NCK2: variants seen among roughly 807,000 people sequenced by gnomAD.
NCK2 encodes cytoplasmic protein NCK2.
Under a neutral mutation model 33.9 loss-of-function variants are expected in NCK2, and 16 were observed. The ratio of observed to expected loss-of-function variants is 0.47; its 90% CI spans 0.32 to 0.72. The LOEUF (loss-of-function observed/expected upper bound fraction) is 0.72. NCK2 is among the 30% of genes least tolerant of loss of function. The probability of loss-of-function intolerance (pLI) is 0.03; values close to 1 mark genes in which losing one functional copy is unlikely to be tolerated. For missense variants in NCK2, 418 were observed against 537.3 expected, an observed-to-expected ratio of 0.78 and a Z score of 2.19; for synonymous variants, 273 against 239.9, an observed-to-expected ratio of 1.14 and a Z score of -1.27.
At chr2:105,878,659 A>G (rs1461472839) in intron 3 of NCK2, among the ~76,000 whole-genome samples, 2 of 152,200 alleles carry the variant, frequency 1.3e-5, no homozygotes, top group Non-Finnish European at 2.9e-5. Context: ...CCCTGAGCAG[A>G]CTAGTATGTT....
intron 1 of NCK2, among the ~76,000 whole-genome samples, chr2:105,797,722 C>A (rs533117930): frequency 1.3e-5 from 2 of 152,180 alleles, no homozygotes; most frequent in Non-Finnish European, 2.9e-5. Context: ...CAAAGTCTTT[C>A]GTAACCATGA....
rs1293045110 is a variant in NCK2 at position 105,854,887 on chromosome 2, T to C, written c.-16-161T>C. ...TTTCTAAACCAAATACTAAAGCTTG[T>C]TGAAAGAAGGTCATTTTAAAGTTGA... On this transcript the variant is annotated intron_variant, in intron 2 of 4. Transcript: ENST00000233154. 2.9e-5 allele frequency: 17 copies of C among 583,492 alleles called. No homozygotes were observed. In the East Asian group the frequency reaches 4.5e-4, roughly 16 times the overall value. The allele number at this position is 583,492 out of a possible 1,614,324, so 36.1% of individuals were successfully genotyped here. A position where few individuals can be genotyped will look rare whatever the true frequency, so the allele number is the denominator to read the frequency against.
chr2:105,838,261 G>A (rs1391251283), intron 2 of NCK2, among the ~76,000 whole-genome samples: 1 of 151,052 alleles, frequency 6.6e-6, no homozygotes, highest in Non-Finnish European at 1.5e-5. Flanking sequence ...AAATTTTGGA[G>A]TTGATAAAGA....
chr2:105,813,587 T>C (rs1249962533), intron 1 of NCK2, among the ~76,000 whole-genome samples: 3 of 152,102 alleles, frequency 2.0e-5, no homozygotes, highest in Non-Finnish European at 2.9e-5. Flanking sequence ...CACACAGGCA[T>C]TGGGGATGCA....
At chr2:105,793,714 G>A (rs1690973542) in intron 1 of NCK2, among the ~76,000 whole-genome samples, 1 of 152,212 alleles carries the variant, frequency 6.6e-6, no homozygotes, top group African/African-American at 2.4e-5. Context: ...GGCTGCCCCA[G>A]CCTTGGCCAG....
rs184325956 is a variant in NCK2 at position 105,839,080 on chromosome 2, G to A, written c.-16-15968G>A. ...TGAGAGAGGCAGGGAGAGCAAGGGAGGGGACATTTGAATGGCGGCTTGAAC... is the reference window on the plus strand; with the variant it reads ...TGAGAGAGGCAGGGAGAGCAAGGGAAGGGACATTTGAATGGCGGCTTGAAC... On this transcript the variant is annotated intron_variant, in intron 2 of 4. Transcript: ENST00000233154. Among the ~76,000 whole-genome samples the A allele has an allele frequency of 1.3e-4, 20 of 152,256 alleles. No individual in the cohort carries two copies. In the East Asian group the frequency reaches 3.7e-3, roughly 28 times the overall value.
At chr2:105,765,809 GTGTGTGTC>G (rs1444284582) in intron 1 of NCK2, among the ~76,000 whole-genome samples, 2 of 151,600 alleles carry the variant, frequency 1.3e-5, no homozygotes, top group East Asian at 2.0e-4. Flanking sequence ...GTGTGTGTGT[GTGTGTGTC>G]TGTGTGTGTG....
At chr2:105,852,071 C>A (rs1013562898) in intron 2 of NCK2, among the ~76,000 whole-genome samples, 4 of 152,094 alleles carry the variant, frequency 2.6e-5, no homozygotes, top group African/African-American at 9.7e-5. Context: ...TTGGAATAAG[C>A]CTATCAAAAT....
At chr2:105,792,705 T>C (rs914735730) in intron 1 of NCK2, among the ~76,000 whole-genome samples, 1 of 152,090 alleles carries the variant, frequency 6.6e-6, no homozygotes, top group African/African-American at 2.4e-5. Context: ...ACTAGGACCC[T>C]GAACTTCCTA....
chr2:105,801,375 G>A (rs912835989), intron 1 of NCK2, among the ~76,000 whole-genome samples: 2 of 151,480 alleles, frequency 1.3e-5, no homozygotes, highest in African/African-American at 4.9e-5. Context: ...CCTTCCCCAT[G>A]TCATCGTGTG....
At chr2:105,863,936 G>A (rs1474785820) in intron 3 of NCK2, among the ~76,000 whole-genome samples, 1 of 152,138 alleles carries the variant, frequency 6.6e-6, no homozygotes, top group Non-Finnish European at 1.5e-5. Flanking sequence ...AGTCATTCAT[G>A]TGAAGAATAC....
chr2:105,856,035 T>C (rs1021487397), intron 3 of NCK2, among the ~76,000 whole-genome samples: 1 of 152,078 alleles, frequency 6.6e-6, no homozygotes, highest in Non-Finnish European at 1.5e-5. Flanking sequence ...GGGGTTTCAC[T>C]GTGTTAGCCA....
intron 1 of NCK2, among the ~76,000 whole-genome samples, chr2:105,761,699 G>A (rs574277163): frequency 2.2e-3 from 342 of 152,230 alleles, no homozygotes; most frequent in African/African-American, 7.4e-3. Context: ...GCAACATGGC[G>A]AAACCCTGTC....
At position 105,813,913 on chromosome 2, in the gene NCK2, T is replaced by C. The variant is rs994183356; in HGVS notation, c.-200-2517T>C. Among the ~76,000 whole-genome samples, 12 of 152,254 alleles carry C rather than the reference T, an allele frequency of 7.9e-5. 1 individual carries two copies. Among genetic ancestry groups the C allele is most frequent in the Admixed American group, 7.2e-4 (11 of 15,288 alleles). ...TCCCTCCTTTATTTCTAAAGGGAGA[T>C]GCACGTAGTGCTAGTGAAGTACTTT... On this transcript the variant is annotated intron_variant, in intron 1 of 4. Transcript: ENST00000233154.
At chr2:105,888,445 C>T (rs1167565826) in intron 4 of NCK2, among the ~76,000 whole-genome samples, 1 of 152,090 alleles carries the variant, frequency 6.6e-6, no homozygotes, top group African/African-American at 2.4e-5. Flanking sequence ...GGAGGTAGCA[C>T]AAAGGTGGCA....
chr2:105,791,219 T>C (rs1409028190), intron 1 of NCK2, among the ~76,000 whole-genome samples: 2 of 152,206 alleles, frequency 1.3e-5, no homozygotes, highest in African/African-American at 4.8e-5. Flanking sequence ...AGGATTTAAA[T>C]TCTAGTAATT....
intron 2 of NCK2, among the ~76,000 whole-genome samples, chr2:105,839,676 A>T (rs1676562545): frequency 6.6e-6 from 1 of 152,238 alleles, no homozygotes; most frequent in Non-Finnish European, 1.5e-5. Context: ...AGACATCCAG[A>T]TGCAGATGTT....
At chr2:105,881,250 C>A in intron 3 of NCK2, 78 bp from the exon 4 acceptor site, 1 of 1,502,092 alleles carries the variant, frequency 6.7e-7, no homozygotes, top group Non-Finnish European at 8.8e-7. Context: ...AGAGAAACTG[C>A]GTGGAAATCC....
intron 1 of NCK2, among the ~76,000 whole-genome samples, chr2:105,756,589 C>T (rs978677324): frequency 6.6e-6 from 1 of 152,174 alleles, no homozygotes; most frequent in Non-Finnish European, 1.5e-5. Flanking sequence ...CACTGACTGG[C>T]CCACTGGGGT....
Sources: allele counts gnomAD v4.1 joint callset (sites outside exome capture counted in the v4.1 genomes callset), GRCh38; gene constraint gnomAD v4.1.1; transcripts MANE v1.5; gene names NCBI Gene and HGNC (gene_info 2026-07-23, HGNC 2026-07-21).